RRM2: variants seen among roughly 807,000 people sequenced by gnomAD.
The protein encoded by RRM2 is ribonucleotide reductase regulatory subunit M2.
In RRM2, 6 loss-of-function variants were observed where a neutral mutation model predicts 45.9. The ratio of observed to expected loss-of-function variants is 0.13; its 90% CI spans 0.07 to 0.26. The LOEUF (loss-of-function observed/expected upper bound fraction) is 0.26, where lower values mean the gene tolerates loss of function less well. Ranked by LOEUF, RRM2 falls within the 10% of genes least tolerant of loss-of-function variation. The probability of loss-of-function intolerance (pLI) is 1.00; values close to 1 mark genes in which losing one functional copy is unlikely to be tolerated. For synonymous variants in RRM2, 177 were observed against 173.0 expected (o/e 1.02, Z -0.18); for missense variants, 343 against 489.5 (o/e 0.70, Z 2.82).
At chr2:10,139,258 A>G (rs1268556899), upstream of RRM2, among the ~76,000 whole-genome samples, 1 of 152,212 alleles carries the variant, frequency 6.6e-6, no homozygotes, top group African/African-American at 2.4e-5. Flanking sequence ...CTGGGTAGCC[A>G]CTGAGCCACT....
At position 10,129,098 on chromosome 2, in the gene RRM2, A is replaced by G. The variant is rs760734395; in HGVS notation, c.961A>G (p.Lys321Glu). The part of the protein sequence containing the change: ...KLIGMNCTLM[K>E]QYIEFVADRL... ...CATTGGGATGAATTGCACTCTAATGAAGCAATACATTGAGTTTGTGGCAGA... is the reference window on the plus strand; with the variant it reads ...CATTGGGATGAATTGCACTCTAATGGAGCAATACATTGAGTTTGTGGCAGA... Residue 321 changes from lysine (K) to glutamate (E), a missense_variant, in exon 9 of 10, where the codon AAG (lysine) becomes GAG (glutamate). Transcript: ENST00000304567. The surrounding 1 kb of genome is among the most constrained non-coding windows in gnomAD (Gnocchi z 4.8). 1 of 1,614,210 alleles carries G rather than the reference A, an allele frequency of 6.2e-7. No individual in the cohort carries two copies. Among genetic ancestry groups the G allele is most frequent in the South Asian group, 1.1e-5 (1 of 91,086 alleles).
In RRM2 at chr2:10,210,682, G is replaced by A. The variant is rs1339530155; in HGVS notation, n.854G>A. 8 of 1,248,252 alleles carry A rather than the reference G, an allele frequency of 6.4e-6. No individual in the cohort carries two copies. In the East Asian group the frequency reaches 2.4e-4, roughly 37 times the overall value. The allele number at this position is 1,248,252 out of a possible 1,614,324, so 77.3% of individuals were successfully genotyped here. A position where few individuals can be genotyped will look rare whatever the true frequency, so the allele number is the denominator to read the frequency against. ...GGAACCCGCAAAGCCTGCAGGCCAG[G>A]GAGGGTGGGAAACTGGGGTGATGTG... On this transcript the variant is annotated non_coding_transcript_exon_variant, in exon 4 of 4. Coordinates refer to the RRM2 transcript ENST00000381786.
chr2:10,123,389 A>G lies in RRM2; in HGVS notation c.177A>G (p.Lys59=), dbSNP rs762242367. ...TGTTTTATTTTCTCCCCCAACAGAA[A>G]ACTAAAGCAGCTGCCCCCGGCGTGG... is the stretch of plus-strand genomic sequence containing the variant. The part of the protein sequence containing the change: ...RRIFQEPTEP[K]TKAAAPGVED... The change falls in exon 3 of 10, where the codon AAA becomes AAG. Residue 59 remains lysine, a splice_region_variant and synonymous_variant. Transcript: ENST00000304567. 1 of 1,601,808 alleles carries G rather than the reference A, an allele frequency of 6.2e-7. No individual in the cohort carries two copies. The highest frequency in any genetic ancestry group is 1.8e-5 in the Admixed American group (1 of 54,730).
chr2:10,163,202 CT>C (rs1361897488), intron 3 of RRM2, among the ~76,000 whole-genome samples: 1 of 152,210 alleles, frequency 6.6e-6, no homozygotes, highest in East Asian at 1.9e-4. Flanking sequence ...AGAGACTGCT[CT>C]TGGAAAGAAA....
Position 10,158,478 on chromosome 2 carries a change from T to C in RRM2, n.482+16103T>C, listed in dbSNP as rs1663482502. 2.0e-5 allele frequency among the ~76,000 whole-genome samples: 3 copies of C among 151,908 alleles called. No individual in the cohort carries two copies. The South Asian group carries it at 6.2e-4, about 32-fold the overall frequency. ...AAGGGGTCTTGGCCATGTCTTTCCATCTGAGGCACTCAGTACAGAGGGTGA... is the reference window on the plus strand; with the variant it reads ...AAGGGGTCTTGGCCATGTCTTTCCACCTGAGGCACTCAGTACAGAGGGTGA... On this transcript the variant is annotated intron_variant and non_coding_transcript_variant, in intron 3 of 3. Transcript: ENST00000381786.
chr2:10,188,126 G>A (rs1461703552), intron 3 of RRM2, among the ~76,000 whole-genome samples: 1 of 152,234 alleles, frequency 6.6e-6, no homozygotes, highest in African/African-American at 2.4e-5. Context: ...ACCCCGAGCT[G>A]CAGCCCCAGG....
At chr2:10,164,421 T>C (rs1242408368) in intron 3 of RRM2, among the ~76,000 whole-genome samples, 2 of 152,170 alleles carry the variant, frequency 1.3e-5, no homozygotes, top group African/African-American at 2.4e-5. Flanking sequence ...AAGTGCTCAA[T>C]ACATTTTATC....
chr2:10,200,431 G>A lies in RRM2; in HGVS notation n.483-9880G>A, dbSNP rs141245629. ...ACAAAATATGAGGCCCACAGGGACC[G>A]CGCGCGCAAAATATGAGGCCCACAG... On this transcript the variant is annotated intron_variant and non_coding_transcript_variant, in intron 3 of 3. Transcript: ENST00000381786. Among the ~76,000 whole-genome samples, 1,025 of 137,604 alleles carry A rather than the reference G, an allele frequency of 7.4e-3. 59 individuals are homozygous for A. The highest frequency in any genetic ancestry group is 0.027 in the African/African-American group (962 of 36,122). 90.3% of individuals were successfully genotyped at this position (137,604 alleles called of 152,430 possible). A position where few individuals can be genotyped will look rare whatever the true frequency, so the allele number is the denominator to read the frequency against.
chr2:10,162,818 A>T (rs1288463126), intron 3 of RRM2, among the ~76,000 whole-genome samples: 2 of 152,180 alleles, frequency 1.3e-5, no homozygotes, highest in East Asian at 3.9e-4. Context: ...CTTGCTATTC[A>T]CATTGGGCCA....
At position 10,171,380 on chromosome 2, in the gene RRM2, G is replaced by C. The variant is rs75024746; in HGVS notation, n.482+29005G>C. On this transcript the variant is annotated intron_variant and non_coding_transcript_variant, in intron 3 of 3. Transcript: ENST00000381786. The surrounding 1 kb of genome is among the most constrained non-coding windows in gnomAD (Gnocchi z 4.1). The stretch of plus-strand genomic sequence containing the variant: ...GGCACCAGTGGGCTGAGAAACTGTC[G>C]GGTTTGGCTGCTGCTGTTGTCTGCA... Among the ~76,000 whole-genome samples, 2 of 152,216 alleles carry C rather than the reference G, an allele frequency of 1.3e-5. No homozygotes were observed. Among genetic ancestry groups the C allele is most frequent in the Non-Finnish European group, 2.9e-5 (2 of 68,036 alleles).
At chr2:10,133,270 A>G (rs1202109799), downstream of RRM2, among the ~76,000 whole-genome samples, 1 of 152,206 alleles carries the variant, frequency 6.6e-6, no homozygotes, top group Admixed American at 6.5e-5. Flanking sequence ...TGTAAGAGTT[A>G]CACTTCATTG....
intron 3 of RRM2, among the ~76,000 whole-genome samples, chr2:10,157,050 C>T (rs1178511606): frequency 9.4e-6 from 1 of 106,776 alleles, no homozygotes; most frequent in Non-Finnish European, 1.7e-5. Context: ...GAGATGGAGT[C>T]TCGCTCTGTC....
rs776978216 is a variant in RRM2 at position 10,128,936 on chromosome 2, C to T, written c.887C>T (p.Ala296Val). 1.9e-6 allele frequency: 3 copies of T among 1,613,720 alleles called. No individual in the cohort carries two copies. The highest frequency in any genetic ancestry group is 1.7e-4 in the Middle Eastern group (1 of 6,060). The change falls in exon 8 of 10, where the codon GCT becomes GTT. Residue 296 changes from alanine to valine, a missense_variant. Around this residue, in one of 2 missense-constraint regions of RRM2, gnomAD observed 212 missense variants for 368.1 expected, o/e 0.58. Coordinates refer to ENST00000304567, the MANE Select transcript of RRM2 (RefSeq NM_001034.4). Reference protein sequence around the residue: ...EERVREIIINAVRIEQEFLTE... With the variant: ...EERVREIIINVVRIEQEFLTE... ...AGAGTAAGAGAAATAATTATCAATG[C>T]TGTTCGGATAGAACAGGTAAAGTGG...
At chr2:10,159,030 A>G (rs188201192) in intron 3 of RRM2, among the ~76,000 whole-genome samples, 80 of 151,126 alleles carry the variant, frequency 5.3e-4, no homozygotes, top group African/African-American at 1.8e-3. Context: ...TAAATGAGTC[A>G]TTTATATCAC....
chr2:10,147,681 G>A (rs533844997), intron 3 of RRM2, among the ~76,000 whole-genome samples: 3 of 152,300 alleles, frequency 2.0e-5, no homozygotes, highest in African/African-American at 7.2e-5. Flanking sequence ...TCAATAGTAT[G>A]TTTCCTACTA....
At chr2:10,210,294 C>T (rs1453842913) in intron 3 of RRM2, 15 of 1,359,368 alleles carry the variant, frequency 1.1e-5, no homozygotes, top group African/African-American at 1.5e-5. Flanking sequence ...CCAAATCTTT[C>T]TTTCCTGTCC....
upstream of RRM2, chr2:10,122,617 C>T (rs1662675467): frequency 6.6e-7 from 1 of 1,521,262 alleles, no homozygotes; most frequent in Non-Finnish European, 8.9e-7. Flanking sequence ...AAGGCGCAGC[C>T]AATGGGAAGG....
chr2:10,144,062 A>G (rs1572499012), intron 3 of RRM2, among the ~76,000 whole-genome samples: 1 of 152,226 alleles, frequency 6.6e-6, no homozygotes, highest in Non-Finnish European at 1.5e-5. Context: ...CCGCTCTGCC[A>G]TCACTATTCA....
chr2:10,179,863 G>A (rs183756023), intron 3 of RRM2, among the ~76,000 whole-genome samples: 7 of 152,284 alleles, frequency 4.6e-5, no homozygotes, highest in African/African-American at 1.2e-4. Context: ...TGATGCAAAC[G>A]TTTTCTGAAG....
Sources: allele counts gnomAD v4.1 joint callset (sites outside exome capture counted in the v4.1 genomes callset), GRCh38; gene constraint gnomAD v4.1.1; regional missense constraint gnomAD v4.1.1; non-coding constraint Gnocchi (gnomAD v3.1); transcripts MANE v1.5; gene names NCBI Gene and HGNC (gene_info 2026-07-23, HGNC 2026-07-21).